Variants in EFCAB5 observed in about 807,000 individuals in gnomAD.
EFCAB5 encodes the protein EF-hand calcium binding domain 5, also known as EF-hand calcium-binding domain-containing protein 5.
In EFCAB5, 131 loss-of-function variants were observed where a neutral mutation model predicts 167.9. That is an observed-to-expected ratio of 0.78 (90% CI 0.68 to 0.90). The LOEUF (loss-of-function observed/expected upper bound fraction) is 0.90. Among genes scored for constraint, EFCAB5 ranks in the 40% least tolerant of loss-of-function variants. EFCAB5 has a pLI of 0.00. For missense variants in EFCAB5, 1,663 were observed against 1,745.2 expected, an observed-to-expected ratio of 0.95 and a Z score of 0.84; for synonymous variants, 574 against 602.8, an observed-to-expected ratio of 0.95 and a Z score of 0.70.
intron 5 of EFCAB5, 52 bp downstream of exon 5, chr17:29,993,373 G>T (rs1164804642): frequency 1.3e-6 from 2 of 1,563,486 alleles, no homozygotes; most frequent in Non-Finnish European, 1.7e-6. Flanking sequence ...GTGGTAAAAG[G>T]GCAATTGCTA....
chr17:30,021,599 A>C (rs1395220980), intron 7 of EFCAB5, among the ~76,000 whole-genome samples: 2 of 151,796 alleles, frequency 1.3e-5, no homozygotes, highest in Non-Finnish European at 2.9e-5. Context: ...GAAATTTCCC[A>C]CTTTCTCTTC....
At chr17:30,068,558 T>A in intron 14 of EFCAB5, 2 of 807,674 alleles carry the variant, frequency 2.5e-6, no homozygotes, top group South Asian at 4.0e-5. Flanking sequence ...ATTGTGAAAA[T>A]GACCATACTA....
At chr17:30,014,999 G>A (rs942460512) in intron 7 of EFCAB5, among the ~76,000 whole-genome samples, 3 of 152,118 alleles carry the variant, frequency 2.0e-5, no homozygotes, top group African/African-American at 7.2e-5. Context: ...GCCTGGTGGT[G>A]ACAAAATCTC....
intron 4 of EFCAB5, among the ~76,000 whole-genome samples, chr17:29,990,847 G>C (rs1429570832): frequency 6.6e-6 from 1 of 152,174 alleles, no homozygotes; most frequent in Non-Finnish European, 1.5e-5. Context: ...TGCTCGAACA[G>C]TCACTGGGGC....
rs2070155504 is a variant in EFCAB5 at position 30,053,364 on chromosome 17, A to G, written c.1410A>G (p.Thr470=). 9 of 1,614,048 alleles carry G rather than the reference A, an allele frequency of 5.6e-6. No homozygotes were observed. The highest frequency in any genetic ancestry group is 7.6e-6 in the Non-Finnish European group (9 of 1,179,888). The change falls in exon 10 of 23, where the codon ACA becomes ACG. Residue 470 remains threonine (T), a synonymous_variant. Coordinates refer to ENST00000394835, the MANE Select transcript of EFCAB5 (RefSeq NM_198529.4). ...GFDKVLLEMN[T]LLSANHASKT... ...ACAAAGTGCTCTTGGAGATGAATAC[A>G]TTACTTTCTGCAAATCATGCTAGCA...
chr17:30,054,710 A>C (rs1047276852), intron 10 of EFCAB5, among the ~76,000 whole-genome samples: 5 of 152,222 alleles, frequency 3.3e-5, no homozygotes, highest in African/African-American at 1.2e-4. Context: ...CACAGTCAGA[A>C]AGTATTACAT....
rs553883467 is a variant in EFCAB5 at position 30,038,570 on chromosome 17, AT to A, written c.1200+4189del. Among the ~76,000 whole-genome samples the A allele has an allele frequency of 1.2e-3, 185 of 152,354 alleles. 1 individual carries two copies. The highest frequency in any genetic ancestry group is 2.4e-3 in the Non-Finnish European group (162 of 68,032). ...GCAGCCCATGGTCAAGGAGTCAGTC[AT>A]TTTGACGTTCAAGTCTTGTTACTTA... On this transcript the variant is annotated intron_variant, in intron 8 of 22. Transcript: ENST00000394835.
At chr17:30,068,915 T>C in intron 14 of EFCAB5, 3 of 1,542,836 alleles carry the variant, frequency 1.9e-6, no homozygotes, top group South Asian at 1.1e-5. Context: ...CGAGACCAAA[T>C]AGACCAGGAT....
At position 30,068,580 on chromosome 17, in the gene EFCAB5, A is replaced by G. The variant is rs554527961; in HGVS notation, c.2737+8879A>G. 65 of 1,060,246 alleles carry G rather than the reference A, an allele frequency of 6.1e-5. No individual in the cohort carries two copies. The African/African-American group carries it at 7.5e-4, about 12-fold the overall frequency. 65.7% of individuals were successfully genotyped at this position (1,060,246 alleles called of 1,614,324 possible). On this transcript the variant is annotated intron_variant, in intron 14 of 22. Transcript: ENST00000394835. ...AAATGACCATACTACCGCTGTCACC[A>G]GCTGCTGACATGGGCAGGTCCCTTG... is the stretch of plus-strand genomic sequence containing the variant.
intron 22 of EFCAB5, among the ~76,000 whole-genome samples, chr17:30,105,038 G>A (rs949207421): frequency 1.3e-5 from 2 of 152,136 alleles, no homozygotes; most frequent in East Asian, 1.9e-4. Flanking sequence ...GGGAAGGGCG[G>A]AAGAAAAGCT....
chr17:30,002,921 A>G (rs1193835889), intron 7 of EFCAB5, among the ~76,000 whole-genome samples: 2 of 152,182 alleles, frequency 1.3e-5, no homozygotes, highest in Non-Finnish European at 2.9e-5. Context: ...TGGTGATGAA[A>G]AATCCACTTC....
rs894594447 is a variant in EFCAB5 at position 30,041,791 on chromosome 17, A to G, written c.1200+7406A>G. On this transcript the variant is annotated intron_variant, in intron 8 of 22. Coordinates refer to ENST00000394835, the MANE Select transcript of EFCAB5 (RefSeq NM_198529.4). ...GCACACACCCACCTTCAGCAACCAC[A>G]ACCCTAATCAGTCAGTAGCCAACAA... 2.0e-4 allele frequency among the ~76,000 whole-genome samples: 30 copies of G among 152,214 alleles called. 1 individual carries two copies. Among genetic ancestry groups the G allele is most frequent in the Admixed American group, 2.0e-3 (30 of 15,276 alleles).
chr17:30,059,680 GA>G lies in EFCAB5; in HGVS notation c.2721del (p.Glu908AsnfsTer3), dbSNP rs747485848. On this transcript the variant is annotated frameshift_variant, in exon 14 of 23. Transcript: ENST00000394835. LOFTEE classifies it high-confidence loss of function. ...CTTGTACACATACAAGGAGGGAATG[GA>G]AAAAGAATCTATGAAGAAAGGTAAA... ...ELLYTYKEGM[E>X]KESMKKAKLH... The G allele has an allele frequency of 3.7e-5, 59 of 1,590,710 alleles. No individual in the cohort carries two copies. The highest frequency in any genetic ancestry group is 4.1e-5 in the Non-Finnish European group (48 of 1,167,730).
At chr17:29,947,958 T>C (rs1567671888) in intron 3 of EFCAB5, among the ~76,000 whole-genome samples, 2 of 152,166 alleles carry the variant, frequency 1.3e-5, no homozygotes, top group African/African-American at 4.8e-5. Context: ...CCCAAATAGC[T>C]GGGATTGCAG....
intron 3 of EFCAB5, among the ~76,000 whole-genome samples, chr17:29,946,300 A>C (rs548519261): frequency 1.3e-5 from 2 of 152,314 alleles, no homozygotes; most frequent in African/African-American, 4.8e-5. Context: ...TACTCCTGCA[A>C]GAAGGATCAT....
At chr17:30,069,463 T>G (rs1389970246) in intron 14 of EFCAB5, 5 of 1,575,880 alleles carry the variant, frequency 3.2e-6, no homozygotes, top group Non-Finnish European at 4.4e-6. Context: ...AACAGGAAGC[T>G]GAGATTGATG....
intron 4 of EFCAB5, among the ~76,000 whole-genome samples, chr17:29,986,936 C>G (rs71371142): frequency 2.6e-5 from 4 of 152,166 alleles, no homozygotes; most frequent in African/African-American, 9.6e-5. Flanking sequence ...CGTGAGCCAC[C>G]GCGCCCGGCC....
At chr17:29,991,484 T>C (rs2068417684) in intron 4 of EFCAB5, among the ~76,000 whole-genome samples, 1 of 152,216 alleles carries the variant, frequency 6.6e-6, no homozygotes, top group Non-Finnish European at 1.5e-5. Flanking sequence ...AGGGATGGGC[T>C]GAAACAAAGG....
chr17:30,057,178 A>G (rs2070294552), intron 12 of EFCAB5, among the ~76,000 whole-genome samples: 1 of 152,186 alleles, frequency 6.6e-6, no homozygotes, highest in Admixed American at 6.5e-5. Context: ...ACTAGATTCA[A>G]AGGCTCAACA....
Sources: allele counts gnomAD v4.1 joint callset (sites outside exome capture counted in the v4.1 genomes callset), GRCh38; gene constraint gnomAD v4.1.1; transcripts MANE v1.5; gene names NCBI Gene and HGNC (gene_info 2026-07-23, HGNC 2026-07-21).